Variants in TANC2 observed in about 807,000 individuals in gnomAD.
TANC2 encodes tetratricopeptide repeat, ankyrin repeat and coiled-coil containing 2.
TANC2 carries 26 observed loss-of-function variants against 210.5 expected under a neutral mutation model. The ratio of observed to expected loss-of-function variants is 0.12; its 90% confidence interval spans 0.09 to 0.17. The LOEUF is 0.17. Ranked by LOEUF, TANC2 falls within the 10% of genes least tolerant of loss-of-function variation. TANC2 has a pLI of 1.00. For missense variants in TANC2, 2,129 were observed against 2,608.9 expected, an observed-to-expected ratio of 0.82 and a Z score of 4.01; for synonymous variants, 931 against 967.1, an observed-to-expected ratio of 0.96 and a Z score of 0.69.
chr17:63,289,193 ATCTTGTGGTTTGCTG>A (rs1165146454), intron 9 of TANC2, among the ~76,000 whole-genome samples: 1 of 152,170 alleles, frequency 6.6e-6, no homozygotes, highest in Non-Finnish European at 1.5e-5. Context: ...TTCTCCGACC[ATCTTGTGGTTTGCTG>A]TCTGATATTA....
rs545938810 is a variant in TANC2 at position 63,354,150 on chromosome 17, C to G, written c.1975-633C>G. 1.8e-4 allele frequency among the ~76,000 whole-genome samples: 27 copies of G among 152,152 alleles called. No homozygotes were observed. The South Asian group carries it at 5.6e-3, about 32-fold the overall frequency. ...TGGGTAGGTAAGAAAGGATGGAATC[C>G]AGTGCATAGGAGTAGCCACAAAGCC... On this transcript the variant is annotated intron_variant, in intron 13 of 27. Transcript: ENST00000689528.
intron 3 of TANC2, among the ~76,000 whole-genome samples, chr17:63,092,451 TTAA>T (rs2037234544): frequency 6.6e-6 from 1 of 152,112 alleles, no homozygotes; most frequent in Non-Finnish European, 1.5e-5. Flanking sequence ...ACTGTAATGA[TTAA>T]TGATGTTGAG....
At chr17:63,265,411 G>A (rs1352451407) in intron 8 of TANC2, among the ~76,000 whole-genome samples, 1 of 152,122 alleles carries the variant, frequency 6.6e-6, no homozygotes, top group African/African-American at 2.4e-5. Flanking sequence ...CAATGGTATG[G>A]CCTCTGTTTG....
intron 7 of TANC2, among the ~76,000 whole-genome samples, chr17:63,211,700 C>T (rs2041891183): frequency 6.6e-6 from 1 of 152,058 alleles, no homozygotes; most frequent in African/African-American, 2.4e-5. Context: ...ACTTTTCCCC[C>T]ATTGACTGTT....
intron 5 of TANC2, among the ~76,000 whole-genome samples, chr17:63,180,417 T>A (rs990104693): frequency 2.0e-5 from 3 of 152,174 alleles, no homozygotes; most frequent in Non-Finnish European, 2.9e-5. Context: ...GGGACAATAT[T>A]GCTGTTAAAA....
intron 4 of TANC2, among the ~76,000 whole-genome samples, chr17:63,109,685 T>G (rs2037960234): frequency 6.6e-6 from 1 of 151,742 alleles, no homozygotes; most frequent in Admixed American, 6.6e-5. Context: ...TATGAGCAAA[T>G]TTAATCTTCA....
chr17:63,264,877 T>C (rs1255899356), intron 8 of TANC2, among the ~76,000 whole-genome samples: 1 of 152,136 alleles, frequency 6.6e-6, no homozygotes, highest in Non-Finnish European at 1.5e-5. Context: ...GAGGAGACCC[T>C]GAGCCTGGGA....
At chr17:63,334,442 T>C (rs577429839) in intron 11 of TANC2, among the ~76,000 whole-genome samples, 3 of 152,020 alleles carry the variant, frequency 2.0e-5, no homozygotes, top group Non-Finnish European at 4.4e-5. Flanking sequence ...AATAAGCCCA[T>C]ACTTATTAAA....
At chr17:63,019,821 ATGTG>A (rs71155966) in intron 2 of TANC2, among the ~76,000 whole-genome samples, 1 of 152,154 alleles carries the variant, frequency 6.6e-6, no homozygotes, top group East Asian at 1.9e-4. Context: ...AATTGGATGT[ATGTG>A]TGTGTGTGTG....
At chr17:63,121,075 C>A (rs1281366154) in intron 4 of TANC2, among the ~76,000 whole-genome samples, 1 of 151,760 alleles carries the variant, frequency 6.6e-6, no homozygotes, top group Admixed American at 6.6e-5. Context: ...AAATAAATAC[C>A]TCATTTCTGT....
chr17:63,396,223 A>G, intron 18 of TANC2: 1 of 327,674 alleles, frequency 3.1e-6, no homozygotes, highest in Non-Finnish European at 5.7e-6. Context: ...AAAGAGATGA[A>G]TTATTGAGGT....
chr17:63,156,939 C>T (rs1351741249), intron 5 of TANC2, among the ~76,000 whole-genome samples: 1 of 152,212 alleles, frequency 6.6e-6, no homozygotes, highest in Non-Finnish European at 1.5e-5. Flanking sequence ...GATTCTCCCA[C>T]CTGGGCCTCC....
intron 8 of TANC2, among the ~76,000 whole-genome samples, chr17:63,254,757 A>G (rs1291210613): frequency 6.6e-6 from 1 of 152,130 alleles, no homozygotes; most frequent in Non-Finnish European, 1.5e-5. Flanking sequence ...CCTTCATTCT[A>G]TTGATATGGT....
chr17:63,415,596 T>G, exon 26 of TANC2: 1 of 1,613,880 alleles, frequency 6.2e-7, no homozygotes, highest in Non-Finnish European at 8.5e-7. Flanking sequence ...GAGAAGGGTT[T>G]GGTGAGGACT....
chr17:63,144,473 ATATAC>A (rs1453594617), intron 4 of TANC2, among the ~76,000 whole-genome samples: 3 of 152,220 alleles, frequency 2.0e-5, no homozygotes, highest in African/African-American at 7.2e-5. Flanking sequence ...AAATGTATAC[ATATAC>A]TATATCTCTA....
chr17:63,074,953 C>T (rs919153966), intron 3 of TANC2, among the ~76,000 whole-genome samples: 8 of 152,220 alleles, frequency 5.3e-5, no homozygotes, highest in South Asian at 2.1e-4. Flanking sequence ...ATTCTATAAT[C>T]GTGTCCCTCT....
intron 2 of TANC2, among the ~76,000 whole-genome samples, chr17:63,020,770 ATGTT>A (rs1180325591): frequency 6.6e-6 from 1 of 152,186 alleles, no homozygotes; most frequent in Admixed American, 6.5e-5. Flanking sequence ...TAAAGAAAAG[ATGTT>A]TGTTTATTTG....
chr17:63,388,605 C>A, intron 15 of TANC2, 30 bp from the exon 16 acceptor site: 1 of 1,578,796 alleles, frequency 6.3e-7, no homozygotes, highest in African/African-American at 1.4e-5. Flanking sequence ...TGCTGGGCTA[C>A]TAATTTAATT....
At chr17:63,170,057 T>TG (rs917106598) in intron 5 of TANC2, among the ~76,000 whole-genome samples, 36 of 150,644 alleles carry the variant, frequency 2.4e-4, no homozygotes, top group Non-Finnish European at 3.7e-4. Context: ...AGGCGGCACT[T>TG]GCAGTGAGCG....
Sources: gnomAD v4.1 joint callset for allele counts (sites outside exome capture counted in the v4.1 genomes callset) on GRCh38, gnomAD v4.1.1 for gene constraint, MANE v1.5 for transcripts, NCBI Gene and HGNC (gene_info 2026-07-23, HGNC 2026-07-21) for gene names.